CRADD: variants seen among roughly 807,000 people sequenced by gnomAD.
CRADD encodes the protein death domain-containing protein CRADD.
CRADD carries 9 observed loss-of-function variants against 15.5 expected under a neutral mutation model. The observed-to-expected ratio is 0.58, with a 90% confidence interval of 0.35 to 1.01. The LOEUF (loss-of-function observed/expected upper bound fraction) is 1.01, where lower values mean the gene tolerates loss of function less well. CRADD is among the 50% of genes least tolerant of loss of function. The pLI, the probability that CRADD is intolerant of heterozygous loss-of-function variation, is 0.02. For missense variants in CRADD, 227 were observed against 250.3 expected, an observed-to-expected ratio of 0.91 and a Z score of 0.63; for synonymous variants, 118 against 107.6, an observed-to-expected ratio of 1.10 and a Z score of -0.60.
chr12:93,874,932 T>C (rs1038804120), intron 2 of CRADD, among the ~76,000 whole-genome samples: 1 of 152,096 alleles, frequency 6.6e-6, no homozygotes, highest in Admixed American at 6.5e-5. Flanking sequence ...ATTTACTAGA[T>C]CCATTTGATC....
chr12:93,803,691 T>C (rs1325322880), intron 2 of CRADD, among the ~76,000 whole-genome samples: 1 of 151,568 alleles, frequency 6.6e-6, no homozygotes, highest in Non-Finnish European at 1.5e-5. Context: ...CAGAAACTCA[T>C]CTGTGGTAGG....
intron 2 of CRADD, among the ~76,000 whole-genome samples, chr12:93,713,224 A>G (rs1482693677): frequency 6.6e-6 from 1 of 152,154 alleles, no homozygotes; most frequent in Non-Finnish European, 1.5e-5. Flanking sequence ...ACTTGGCACC[A>G]TGATATTTTG....
At chr12:93,762,550 A>G (rs1394606748) in intron 2 of CRADD, among the ~76,000 whole-genome samples, 3 of 152,172 alleles carry the variant, frequency 2.0e-5, no homozygotes, top group African/African-American at 7.2e-5. Context: ...GGCAAGTTGG[A>G]AGTTGAGCTG....
intron 2 of CRADD, among the ~76,000 whole-genome samples, chr12:93,759,322 CA>C (rs1187167400): frequency 3.3e-5 from 5 of 152,010 alleles, no homozygotes; most frequent in African/African-American, 1.2e-4. Context: ...AAAATTATTA[CA>C]GTTAAAAAGA....
intron 2 of CRADD, among the ~76,000 whole-genome samples, chr12:93,866,070 A>AT (rs1208203665): frequency 1.3e-5 from 2 of 151,934 alleles, no homozygotes; most frequent in Non-Finnish European, 2.9e-5. Context: ...AAGCTTTAGA[A>AT]TTTTTTCTTT....
At chr12:93,884,627 C>T (rs1958523572) in intron 2 of CRADD, among the ~76,000 whole-genome samples, 1 of 152,128 alleles carries the variant, frequency 6.6e-6, no homozygotes, top group Non-Finnish European at 1.5e-5. Flanking sequence ...AGGTGGGAAT[C>T]CTGCTAGCAG....
intron 2 of CRADD, among the ~76,000 whole-genome samples, chr12:93,737,984 GGGTATTTA>G (rs1332159798): frequency 6.6e-6 from 1 of 152,070 alleles, no homozygotes; most frequent in East Asian, 1.9e-4. Context: ...AAATTCACTT[GGGTATTTA>G]GGAGGCTGAG....
At chr12:93,696,677 G>A (rs1329289471) in intron 2 of CRADD, among the ~76,000 whole-genome samples, 1 of 150,950 alleles carries the variant, frequency 6.6e-6, no homozygotes, top group Non-Finnish European at 1.5e-5. Flanking sequence ...GATGACTATA[G>A]ATAATTAACA....
chr12:93,888,038 A>C (rs1015869334), intron 2 of CRADD, among the ~76,000 whole-genome samples: 3 of 152,188 alleles, frequency 2.0e-5, no homozygotes, highest in African/African-American at 7.2e-5. Flanking sequence ...GTGTATTCTC[A>C]GTGGAAAGAG....
chr12:93,824,334 T>C lies in CRADD; in HGVS notation c.299-25636T>C, dbSNP rs1429034136. Among the ~76,000 whole-genome samples, 1 of 152,088 alleles carries C rather than the reference T, an allele frequency of 6.6e-6. No homozygotes were observed. The highest frequency in any genetic ancestry group is 1.5e-5 in the Non-Finnish European group (1 of 68,014). ...TGTTTCATTTTTCATCCCTATAATT[T>C]CCTAGGTTTGATAGCACTTCAATTT... On this transcript the variant is annotated intron_variant, in intron 2 of 2. Coordinates refer to ENST00000332896, the MANE Select transcript of CRADD (RefSeq NM_003805.5). The surrounding 1 kb of genome is among the most constrained non-coding windows in gnomAD (Gnocchi z 4.3).
chr12:93,730,954 C>G (rs988803115), intron 2 of CRADD, among the ~76,000 whole-genome samples: 1 of 152,092 alleles, frequency 6.6e-6, no homozygotes, highest in Admixed American at 6.5e-5. Flanking sequence ...GACCTCTCAA[C>G]TGATCTGCCT....
intron 2 of CRADD, chr12:93,737,598 T>C (rs1355127980): frequency 6.6e-6 from 1 of 152,218 alleles, no homozygotes; most frequent in South Asian, 2.1e-4. Flanking sequence ...GCAAATTCAG[T>C]GTCACCTTTT....
intron 2 of CRADD, among the ~76,000 whole-genome samples, chr12:93,770,939 C>A (rs1957079986): frequency 1.3e-5 from 2 of 152,166 alleles, no homozygotes; most frequent in South Asian, 4.1e-4. Flanking sequence ...GATGTCTTTG[C>A]AATATTGAAT....
intron 2 of CRADD, among the ~76,000 whole-genome samples, chr12:93,747,898 G>A (rs1217725324): frequency 1.3e-5 from 2 of 152,182 alleles, no homozygotes; most frequent in East Asian, 3.9e-4. Context: ...AAATAACACC[G>A]CTTTTAAAGG....
intron 2 of CRADD, among the ~76,000 whole-genome samples, chr12:93,773,635 A>C (rs535387197): frequency 1.3e-5 from 2 of 151,814 alleles, no homozygotes; most frequent in Admixed American, 1.3e-4. Flanking sequence ...GATATCTTTC[A>C]TCTAGTGGCC....
chr12:93,688,986 C>T (rs1955501873), intron 2 of CRADD, among the ~76,000 whole-genome samples: 1 of 152,112 alleles, frequency 6.6e-6, no homozygotes. Context: ...TCTCGTATCT[C>T]TCATTTTATA....
chr12:93,751,976 TG>T (rs1956833648), intron 2 of CRADD, among the ~76,000 whole-genome samples: 2 of 152,252 alleles, frequency 1.3e-5, no homozygotes, highest in Admixed American at 1.3e-4. Context: ...TTTTTCATAC[TG>T]TAGTTACTTA....
At chr12:93,793,160 C>A (rs1957370279) in intron 2 of CRADD, among the ~76,000 whole-genome samples, 1 of 152,146 alleles carries the variant, frequency 6.6e-6, no homozygotes, top group South Asian at 2.1e-4. Context: ...GGGGATTATG[C>A]ATCCTTCCCC....
At chr12:93,687,124 C>T (rs541905384) in intron 2 of CRADD, among the ~76,000 whole-genome samples, 8 of 152,248 alleles carry the variant, frequency 5.3e-5, no homozygotes, top group African/African-American at 1.2e-4. Context: ...AGACTTTCAT[C>T]GAGTATTTAT....
Sources: gnomAD v4.1 joint callset for allele counts (sites outside exome capture counted in the v4.1 genomes callset) on GRCh38, gnomAD v4.1.1 for gene constraint, Gnocchi (gnomAD v3.1) non-coding constraint, MANE v1.5 for transcripts, NCBI Gene and HGNC (gene_info 2026-07-23, HGNC 2026-07-21) for gene names.